The following DAPK1 variants were observed in gnomAD, a reference collection of about 807,000 sequenced individuals.
DAPK1 encodes the protein death-associated protein kinase 1.
Under a neutral mutation model 144.9 loss-of-function variants are expected in DAPK1, and 56 were observed. The observed-to-expected ratio is 0.39, with a 90% CI of 0.31 to 0.48. DAPK1 has a LOEUF of 0.48. Among genes scored for constraint, DAPK1 ranks in the 20% least tolerant of loss-of-function variants. The pLI is 0.95. For synonymous variants in DAPK1, 690 were observed against 749.0 expected (o/e 0.92, Z 1.29); for missense variants, 1,454 against 1,875.4 (o/e 0.78, Z 4.15).
intron 11 of DAPK1, 141 bp downstream of exon 11, chr9:87,643,609 G>T: frequency 1.8e-5 from 11 of 604,172 alleles, no homozygotes; most frequent in South Asian, 1.5e-4. Flanking sequence ...GGAGGGGTTT[G>T]GGGGTGCTGA....
chr9:87,513,591 T>A (rs965616849), intron 2 of DAPK1, among the ~76,000 whole-genome samples: 1 of 152,152 alleles, frequency 6.6e-6, no homozygotes, highest in African/African-American at 2.4e-5. Context: ...GAGGTAGGTA[T>A]TGTAATTCAC....
intron 2 of DAPK1, among the ~76,000 whole-genome samples, chr9:87,508,084 C>T (rs1255910393): frequency 1.3e-5 from 2 of 152,152 alleles, no homozygotes; most frequent in Non-Finnish European, 2.9e-5. Flanking sequence ...ATGCTCTTGG[C>T]TCGCTGCAAC....
Position 87,697,066 on chromosome 9 carries a change from G to C in DAPK1, c.2473G>C (p.Asp825His). ...AAATCCTGTGTATTTCTGCTGTTATGACTATTTTGCTGCAAATGATCCCAC... is the reference window on the plus strand; with the variant it reads ...AAATCCTGTGTATTTCTGCTGTTATCACTATTTTGCTGCAAATGATCCCAC... ...SGNPVYFCCYDYFAANDPTSI... is the reference protein window; with the variant it reads ...SGNPVYFCCYHYFAANDPTSI... Residue 825 changes from aspartate (D) to histidine (H), a missense_variant, in exon 22 of 26, where the codon GAC (aspartate) becomes CAC (histidine). Physicochemically the swap from Asp to His is moderately conservative, Grantham distance 81. Around this residue, in one of 2 missense-constraint regions of DAPK1, gnomAD observed 1,025 missense variants for 1,237.9 expected, o/e 0.83. Transcript: ENST00000408954. 6.3e-7 allele frequency: 1 copy of C among 1,592,762 alleles called. No individual in the cohort carries two copies. The highest frequency in any genetic ancestry group is 8.6e-7 in the Non-Finnish European group (1 of 1,160,438).
At chr9:87,654,543 T>A (rs779452454) in intron 17 of DAPK1, among the ~76,000 whole-genome samples, 1 of 152,252 alleles carries the variant, frequency 6.6e-6, no homozygotes, top group Non-Finnish European at 1.5e-5. Context: ...TCCCAGGTTT[T>A]AGCCATTAGC....
At chr9:87,539,828 ACTGT>A (rs970322331) in intron 2 of DAPK1, among the ~76,000 whole-genome samples, 2 of 152,052 alleles carry the variant, frequency 1.3e-5, no homozygotes, top group East Asian at 1.9e-4. Flanking sequence ...ACATTCGCTG[ACTGT>A]CTGCACTCCC....
At position 87,617,704 on chromosome 9, in the gene DAPK1, G is replaced by A. The variant is rs902685736; in HGVS notation, c.284+12529G>A. 2.6e-5 allele frequency among the ~76,000 whole-genome samples: 4 copies of A among 152,312 alleles called. No individual in the cohort carries two copies. In the South Asian group the frequency reaches 6.2e-4, roughly 24 times the overall value. On this transcript the variant is annotated intron_variant, in intron 3 of 25. Transcript: ENST00000408954. ...TAATCAATTGGTAATCCCTACAGAT[G>A]TGTCTCTAGGTCTCTCTGGAGCCCT...
rs541591442 is a variant in DAPK1, at chr9:87,497,920, C to T, written c.-296C>T. ...CCGAGCCAACGCCGGGGACTTTGTT[C>T]CCTCCGCGGAGGGGACTCGGCAACT... On this transcript the variant is annotated 5_prime_UTR_variant, in exon 1 of 26. Transcript: ENST00000408954. 5.8e-5 allele frequency: 23 copies of T among 395,966 alleles called. No homozygotes were observed. The South Asian group carries it at 3.0e-3, about 52-fold the overall frequency. 24.5% of individuals were successfully genotyped at this position (395,966 alleles called of 1,614,324 possible).
chr9:87,629,688 A>C (rs1196094948), intron 3 of DAPK1, among the ~76,000 whole-genome samples: 1 of 152,128 alleles, frequency 6.6e-6, no homozygotes, highest in Non-Finnish European at 1.5e-5. Context: ...ACTCTTTCAA[A>C]GTATACATTT....
intron 2 of DAPK1, among the ~76,000 whole-genome samples, chr9:87,557,712 G>A (rs551728265): frequency 6.6e-6 from 1 of 152,320 alleles, no homozygotes; most frequent in East Asian, 1.9e-4. Flanking sequence ...AGGCCAAGGT[G>A]GGTGGATCAC....
At chr9:87,633,142 G>A in intron 3 of DAPK1, 2 of 982,996 alleles carry the variant, frequency 2.0e-6, no homozygotes, top group Non-Finnish European at 2.4e-6. Context: ...TGTACATGTA[G>A]GGATGAAGGA....
intron 23 of DAPK1, 150 bp downstream of exon 23, chr9:87,698,944 G>A (rs1172934089): frequency 3.4e-6 from 2 of 591,896 alleles, no homozygotes; most frequent in African/African-American, 3.7e-5. Flanking sequence ...TCTTGTACAG[G>A]TCTTGTATCC....
chr9:87,645,664 A>G (rs36212715), intron 11 of DAPK1, among the ~76,000 whole-genome samples: 186 of 152,304 alleles, frequency 1.2e-3, no homozygotes, highest in African/African-American at 4.3e-3. Flanking sequence ...TCTGGGCTAT[A>G]CTGCAGGTGA....
At chr9:87,659,782 G>A (rs771077397) in intron 18 of DAPK1, among the ~76,000 whole-genome samples, 7 of 152,138 alleles carry the variant, frequency 4.6e-5, no homozygotes, top group African/African-American at 7.2e-5. Flanking sequence ...AGCCGCACCC[G>A]CAGCGCTCAT....
intron 2 of DAPK1, among the ~76,000 whole-genome samples, chr9:87,519,769 C>T (rs755889739): frequency 3.9e-5 from 6 of 152,152 alleles, no homozygotes; most frequent in African/African-American, 7.2e-5. Context: ...GGGGCCCAAC[C>T]TTCTCGAAAG....
At chr9:87,616,846 G>T (rs971250997) in intron 3 of DAPK1, among the ~76,000 whole-genome samples, 8 of 152,216 alleles carry the variant, frequency 5.3e-5, no homozygotes, top group African/African-American at 1.9e-4. Context: ...CTCCTTTTCT[G>T]TGGGGCTACC....
intron 24 of DAPK1, among the ~76,000 whole-genome samples, chr9:87,700,744 TC>T (rs1262988692): frequency 6.6e-6 from 1 of 152,016 alleles, no homozygotes; most frequent in Non-Finnish European, 1.5e-5. Flanking sequence ...CAGGTGCTCC[TC>T]CCACCTCAGC....
At chr9:87,521,883 C>T (rs185842078) in intron 2 of DAPK1, among the ~76,000 whole-genome samples, 63 of 152,246 alleles carry the variant, frequency 4.1e-4, no homozygotes, top group African/African-American at 1.3e-3. Context: ...TTAATTCATA[C>T]GTGGGTTAGT....
rs36207429 is a variant in DAPK1 at position 87,605,131 on chromosome 9, C to T, written c.240C>T (p.His80=). 4.2e-5 allele frequency: 68 copies of T among 1,614,160 alleles called. No homozygotes were observed. In the East Asian group the frequency reaches 1.2e-3, roughly 29 times the overall value. The change falls in exon 3 of 26, where the codon CAC becomes CAT. Residue 80 remains histidine, a synonymous_variant. Coordinates refer to ENST00000408954, the MANE Select transcript of DAPK1 (RefSeq NM_004938.4). ...EIQHPNVITL[H]EVYENKTDVI... ...AGCACCCCAATGTCATCACCCTGCACGAGGTCTATGAGAACAAGACGGACG... is the reference window on the plus strand; with the variant it reads ...AGCACCCCAATGTCATCACCCTGCATGAGGTCTATGAGAACAAGACGGACG...
chr9:87,557,767 C>T (rs1218479089), intron 2 of DAPK1, among the ~76,000 whole-genome samples: 1 of 152,134 alleles, frequency 6.6e-6, no homozygotes, highest in Non-Finnish European at 1.5e-5. Flanking sequence ...ATGGTGAAAC[C>T]TCGTCTTTAC....
Sources: allele counts gnomAD v4.1 joint callset (sites outside exome capture counted in the v4.1 genomes callset), GRCh38; gene constraint gnomAD v4.1.1; regional missense constraint gnomAD v4.1.1; transcripts MANE v1.5; gene names NCBI Gene and HGNC (gene_info 2026-07-23, HGNC 2026-07-21).